The following COL11A1 variants were observed in gnomAD, a reference collection of about 807,000 sequenced individuals.
COL11A1 encodes collagen type XI alpha 1 chain.
Under a neutral mutation model 265.2 loss-of-function variants are expected in COL11A1, and 74 were observed. The ratio of observed to expected loss-of-function variants is 0.28; its 90% confidence interval spans 0.23 to 0.34. The LOEUF is 0.34. Among genes scored for constraint, COL11A1 ranks in the 10% least tolerant of loss-of-function variants. The pLI is 1.00. For missense variants in COL11A1, 2,165 were observed against 2,263.6 expected (o/e 0.96, Z 0.88); for synonymous variants, 816 against 727.6 (o/e 1.12, Z -1.96).
intron 4 of COL11A1, among the ~76,000 whole-genome samples, chr1:103,064,263 G>A (rs1239992627): frequency 6.6e-6 from 1 of 152,030 alleles, no homozygotes; most frequent in African/African-American, 2.4e-5. Flanking sequence ...TTATCTAGTA[G>A]CTTTATTCAT....
rs551516124 is a variant in COL11A1 at position 103,026,395 on chromosome 1, G to A, written c.781-63C>T. The A allele has an allele frequency of 1.9e-6, 2 of 1,030,590 alleles. No individual in the cohort carries two copies. Among genetic ancestry groups the A allele is most frequent in the Non-Finnish European group, 3.1e-6 (2 of 648,530 alleles). The allele number at this position is 1,030,590 out of a possible 1,614,324, so 63.8% of individuals were successfully genotyped here. A position where few individuals can be genotyped will look rare whatever the true frequency, so the allele number is the denominator to read the frequency against. On this transcript the variant is annotated intron_variant, in intron 5 of 66. Coordinates refer to ENST00000370096, the MANE Select transcript of COL11A1 (RefSeq NM_001854.4). ...AGTGGCAAAATACTATTCACAAAGT[G>A]AGAACCATCTTAACTTTTACATAGT...
At chr1:102,967,059 C>T (rs1348322555) in intron 37 of COL11A1, among the ~76,000 whole-genome samples, 1 of 151,908 alleles carries the variant, frequency 6.6e-6, no homozygotes, top group African/African-American at 2.4e-5. Flanking sequence ...GAATGTGTCA[C>T]GTGAGAAGGT....
intron 36 of COL11A1, among the ~76,000 whole-genome samples, chr1:102,972,207 A>G (rs527918917): frequency 2.0e-5 from 3 of 152,304 alleles, no homozygotes; most frequent in Non-Finnish European, 4.4e-5. Flanking sequence ...AAGGATATCA[A>G]TTATGTCTGG....
chr1:102,947,964 T>C (rs1281886447), intron 41 of COL11A1, among the ~76,000 whole-genome samples: 1 of 151,842 alleles, frequency 6.6e-6, no homozygotes, highest in Non-Finnish European at 1.5e-5. Flanking sequence ...TAGTATTTTT[T>C]CTTAATAATT....
intron 37 of COL11A1, among the ~76,000 whole-genome samples, chr1:102,966,469 G>T (rs76425600): frequency 0.012 from 1,859 of 152,202 alleles, 46 homozygotes; most frequent in African/African-American, 0.042. Flanking sequence ...GTATAAGTAG[G>T]TAAAGAGTCT....
intron 14 of COL11A1, among the ~76,000 whole-genome samples, chr1:103,010,088 A>G (rs1277229709): frequency 6.6e-6 from 1 of 152,172 alleles, no homozygotes; most frequent in Non-Finnish European, 1.5e-5. Flanking sequence ...ACTATAAAAT[A>G]ATAGGGAAAA....
At chr1:102,929,414 T>C (rs1448687980) in intron 46 of COL11A1, among the ~76,000 whole-genome samples, 1 of 152,008 alleles carries the variant, frequency 6.6e-6, no homozygotes, top group Non-Finnish European at 1.5e-5. Flanking sequence ...ATATGCGGCA[T>C]TATTTCTGAG....
rs76693954 is a variant in COL11A1, at chr1:102,937,022, C to T, written c.3439-1909G>A. Among the ~76,000 whole-genome samples the T allele has an allele frequency of 6.6e-5, 10 of 152,106 alleles. No individual in the cohort carries two copies. In the East Asian group the frequency reaches 1.7e-3, roughly 26 times the overall value. On this transcript the variant is annotated intron_variant, in intron 44 of 66. Transcript: ENST00000370096. ...ATATAGCTTCTTCTATTAAGCTAGACAAAACAAATGTAACAATGGTACTCT... is the reference window on the plus strand; with the variant it reads ...ATATAGCTTCTTCTATTAAGCTAGATAAAACAAATGTAACAATGGTACTCT...
intron 44 of COL11A1, among the ~76,000 whole-genome samples, chr1:102,936,479 C>A (rs997563756): frequency 1.3e-5 from 2 of 152,046 alleles, no homozygotes; most frequent in East Asian, 3.9e-4. Flanking sequence ...ATAAAGGAAG[C>A]CTTGGATTTC....
chr1:102,954,266 G>A (rs964951675), intron 41 of COL11A1, among the ~76,000 whole-genome samples: 1 of 152,064 alleles, frequency 6.6e-6, no homozygotes, highest in African/African-American at 2.4e-5. Flanking sequence ...AGAAGCAATA[G>A]CATTGGTCTA....
At chr1:102,923,448 T>C (rs921212191) in intron 46 of COL11A1, 59 bp from the exon 47 acceptor site, 37 of 1,332,824 alleles carry the variant, frequency 2.8e-5, no homozygotes, top group Non-Finnish European at 3.9e-5. Flanking sequence ...AAAAAAAGTT[T>C]GGTCAATTTC....
rs560757067 is a variant in COL11A1, at chr1:102,978,825, C to T, written c.2709+35G>A. The T allele has an allele frequency of 3.7e-6, 6 of 1,613,956 alleles. No individual in the cohort carries two copies. The South Asian group carries it at 5.5e-5, about 15-fold the overall frequency. ...AGCATCTGCCTGGAAAAAAAATCTA[C>T]AGTAACATCCAAACAGAAAAAGTAC... On this transcript the variant is annotated intron_variant, in intron 34 of 66. Transcript: ENST00000370096.
intron 4 of COL11A1, among the ~76,000 whole-genome samples, chr1:103,050,320 A>C (rs1464833010): frequency 1.3e-5 from 2 of 151,904 alleles, no homozygotes; most frequent in African/African-American, 4.8e-5. Context: ...TTTTTTCTCT[A>C]AACTTCTCTT....
chr1:103,012,702 T>C (rs1318795542), intron 13 of COL11A1, among the ~76,000 whole-genome samples: 1 of 152,186 alleles, frequency 6.6e-6, no homozygotes, highest in Non-Finnish European at 1.5e-5. Flanking sequence ...GTAATATATA[T>C]TGCTATGACT....
chr1:102,974,179 A>AAAAC (rs142086527), intron 36 of COL11A1, among the ~76,000 whole-genome samples: 140,905 of 151,616 alleles, frequency 0.93, 65,762 homozygotes, highest in East Asian at 1. Context: ...AGGAGGTTGC[A>AAAAC]AAACAAACAA....
At chr1:103,063,582 G>A (rs758498450) in intron 4 of COL11A1, among the ~76,000 whole-genome samples, 1 of 152,060 alleles carries the variant, frequency 6.6e-6, no homozygotes, top group Non-Finnish European at 1.5e-5. Flanking sequence ...GTTCATAAAT[G>A]TAAAACACAA....
At chr1:102,978,632 T>C (rs2101678213) in intron 35 of COL11A1, 76 bp downstream of exon 35, 3 of 1,488,438 alleles carry the variant, frequency 2.0e-6, no homozygotes, top group Non-Finnish European at 9.4e-7. Context: ...AGCAGACATA[T>C]ATCTTTTCTC....
intron 13 of COL11A1, among the ~76,000 whole-genome samples, chr1:103,012,697 A>G (rs988478909): frequency 2.6e-5 from 4 of 152,180 alleles, no homozygotes; most frequent in Admixed American, 1.3e-4. Flanking sequence ...ATCTTGTAAT[A>G]TATATTGCTA....
intron 1 of COL11A1, 93 bp downstream of exon 1, chr1:103,107,980 A>G: frequency 1.2e-6 from 1 of 845,630 alleles, no homozygotes; most frequent in Non-Finnish European, 1.9e-6. Context: ...TTTTTTCTTG[A>G]AGAGCGGGGA....
Sources: allele counts gnomAD v4.1 joint callset (sites outside exome capture counted in the v4.1 genomes callset), GRCh38; gene constraint gnomAD v4.1.1; transcripts MANE v1.5; gene names NCBI Gene and HGNC (gene_info 2026-07-23, HGNC 2026-07-21).